Variants in STAG2 observed in about 807,000 individuals in gnomAD.
The protein encoded by STAG2 is cohesin subunit SA-2.
In STAG2, 14 loss-of-function variants were observed where a neutral mutation model predicts 108.1. The observed-to-expected ratio is 0.13, with a 90% confidence interval of 0.09 to 0.20. The LOEUF is 0.20. STAG2 is among the 10% of genes least tolerant of loss of function. The probability of loss-of-function intolerance (pLI) is 1.00; values close to 1 mark genes in which losing one functional copy is unlikely to be tolerated. For missense variants in STAG2, 440 were observed against 940.9 expected, an observed-to-expected ratio of 0.47 and a Z score of 6.96; for synonymous variants, 307 against 302.7, an observed-to-expected ratio of 1.01 and a Z score of -0.15.
chrX:124,003,476 C>T (rs41300277), intron 1 of STAG2: 6,894 of 110,204 alleles, frequency 0.063, 230 homozygotes, highest in Middle Eastern at 0.13. Context: ...GGCTGGAGTG[C>T]AATGGCGTGA....
At chrX:123,976,476 A>G (rs1602652758) in intron 1 of STAG2, among the ~76,000 whole-genome samples, 1 of 111,279 alleles carries the variant, frequency 9.0e-6, no homozygotes, top group South Asian at 3.7e-4. Flanking sequence ...TTCATTGTGC[A>G]GTATATATTA....
In STAG2 at chrX:124,045,196, T is replaced by A. The variant is rs999209828; in HGVS notation, c.495T>A (p.Gly165=). ...DSGDYPLTMA[G]PQWKKFKSSF... Reference sequence around the variant, plus strand: ...GAGATTATCCACTTACCATGGCTGGTCCTCAGTGGAAGAAGTTCAAATCCA... The same window carrying A: ...GAGATTATCCACTTACCATGGCTGGACCTCAGTGGAAGAAGTTCAAATCCA... Residue 165 remains glycine (G), a synonymous_variant, in exon 8 of 35, where the codon GGT becomes GGA. Transcript: ENST00000371145. The A allele has an allele frequency of 8.3e-7, 1 of 1,209,478 alleles. No individual in the cohort carries two copies. The highest frequency in any genetic ancestry group is 1.1e-6 in the Non-Finnish European group (1 of 895,092).
chrX:123,990,651 C>T (rs1450251973), intron 1 of STAG2, among the ~76,000 whole-genome samples: 1 of 111,843 alleles, frequency 8.9e-6, no homozygotes, highest in Non-Finnish European at 1.9e-5. Context: ...AGAATAGAGT[C>T]ATTATTGTAA....
chrX:123,988,935 CTG>C (rs2055320347), intron 1 of STAG2, among the ~76,000 whole-genome samples: 1 of 111,338 alleles, frequency 9.0e-6, no homozygotes, highest in Non-Finnish European at 1.9e-5. Flanking sequence ...CTCTGTCTAT[CTG>C]TGTGTGTCTT....
At chrX:124,054,190 C>G (rs1264306267) in intron 13 of STAG2, among the ~76,000 whole-genome samples, 2 of 111,966 alleles carry the variant, frequency 1.8e-5, no homozygotes, top group African/African-American at 6.5e-5. Context: ...TTTGTAATAG[C>G]AGAATTTTGA....
Position 124,050,270 on chromosome X carries a change from C to T in STAG2, c.978C>T (p.Asp326=). The T allele has an allele frequency of 8.3e-7, 1 of 1,209,656 alleles. No individual in the cohort carries two copies. The highest frequency in any genetic ancestry group is 1.1e-6 in the Non-Finnish European group (1 of 894,431). The stretch of plus-strand genomic sequence containing the variant: ...TGTATAGTGATGCCTTTCTTAATGA[C>T]AGTTATTTAAAATATGTTGGTTGGA... ...MKMYSDAFLN[D]SYLKYVGWTM... is the part of the protein sequence containing the mutation. The change falls in exon 11 of 35, where the codon GAC becomes GAT. Residue 326 remains aspartate, a synonymous_variant. Transcript: ENST00000371145.
chrX:124,053,805 G>A (rs1235157782), intron 13 of STAG2, among the ~76,000 whole-genome samples: 1 of 111,781 alleles, frequency 8.9e-6, no homozygotes, highest in East Asian at 2.8e-4. Context: ...CATAAACTGA[G>A]AAAACAGATC....
intron 30 of STAG2, among the ~76,000 whole-genome samples, chrX:124,087,680 T>C (rs1218035530): frequency 2.7e-5 from 3 of 112,216 alleles, no homozygotes; most frequent in African/African-American, 9.7e-5. Context: ...AAAACTAGCA[T>C]AGCGTAATTT....
At chrX:124,028,092 G>T (rs1402347097) in intron 4 of STAG2, among the ~76,000 whole-genome samples, 2 of 111,358 alleles carry the variant, frequency 1.8e-5, no homozygotes, top group Non-Finnish European at 3.8e-5. Context: ...TGTTGTAGTT[G>T]ATCTTTTCTT....
intron 29 of STAG2, among the ~76,000 whole-genome samples, chrX:124,083,979 A>T: frequency 9.0e-6 from 1 of 111,638 alleles, no homozygotes; most frequent in South Asian, 3.7e-4. Context: ...GAGCATTTGA[A>T]AAAGAATAAT....
chrX:124,009,045 C>G (rs1569501617), intron 1 of STAG2, among the ~76,000 whole-genome samples: 2 of 111,444 alleles, frequency 1.8e-5, no homozygotes, highest in South Asian at 7.4e-4. Context: ...AGTGTACTTT[C>G]AAGTCTATCC....
chrX:124,004,648 T>A (rs1346497958), intron 1 of STAG2, among the ~76,000 whole-genome samples: 1 of 112,217 alleles, frequency 8.9e-6, no homozygotes, highest in African/African-American at 3.2e-5. Flanking sequence ...TTGTGAGTGA[T>A]GCTGTTATGA....
At position 124,076,399 on chromosome X, in the gene STAG2, A is replaced by G. The variant is rs374308808; in HGVS notation, c.2601A>G (p.Ala867=). The G allele has an allele frequency of 6.5e-5, 78 of 1,207,852 alleles. No individual in the cohort carries two copies. The highest frequency in any genetic ancestry group is 8.2e-5 in the Non-Finnish European group (73 of 893,876). ...ACAAGAGAAGAAATTTACTTGCAGC[A>G]TTTTGTAAGCTAATTGTATATACTG... The part of the protein sequence containing the change: ...ALHKRRNLLA[A]FCKLIVYTVV... The change falls in exon 26 of 35, where the codon GCA becomes GCG. Residue 867 remains alanine, a synonymous_variant. Transcript: ENST00000371145.
chrX:123,991,724 G>A (rs2055480805), intron 1 of STAG2, among the ~76,000 whole-genome samples: 1 of 108,457 alleles, frequency 9.2e-6, no homozygotes, highest in Non-Finnish European at 1.9e-5. Flanking sequence ...GAGTGCAATG[G>A]CGCGATCTCG....
intron 20 of STAG2, among the ~76,000 whole-genome samples, chrX:124,065,186 T>C (rs969456648): frequency 2.7e-5 from 3 of 112,340 alleles, no homozygotes; most frequent in Non-Finnish European, 5.6e-5. Flanking sequence ...TGGCTGAATA[T>C]AATTTTGATT....
At chrX:124,021,341 T>A (rs2056920558) in intron 1 of STAG2, 26 bp from the exon 2 acceptor site, 1 of 111,729 alleles carries the variant, frequency 9.0e-6, no homozygotes, top group Non-Finnish European at 1.9e-5. Context: ...ATTGGATATG[T>A]TTAATCTTAC....
intron 1 of STAG2, among the ~76,000 whole-genome samples, chrX:124,004,368 G>C (rs775439501): frequency 8.9e-6 from 1 of 111,807 alleles, no homozygotes; most frequent in Non-Finnish European, 1.9e-5. Context: ...CCTAGCCCAA[G>C]ATAACCAACC....
intron 1 of STAG2, among the ~76,000 whole-genome samples, chrX:124,019,728 G>A (rs917224731): frequency 9.0e-6 from 1 of 111,163 alleles, no homozygotes; most frequent in African/African-American, 3.3e-5. Flanking sequence ...TTGAGCCCAG[G>A]AGTTCAAGAC....
intron 1 of STAG2, among the ~76,000 whole-genome samples, chrX:124,017,196 G>A (rs1305561067): frequency 1.8e-5 from 2 of 109,583 alleles, no homozygotes; most frequent in Non-Finnish European, 3.8e-5. Context: ...GAGACCACTT[G>A]GGATTGAATT....
Sources: gnomAD v4.1 joint callset for allele counts (sites outside exome capture counted in the v4.1 genomes callset) on GRCh38, gnomAD v4.1.1 for gene constraint, MANE v1.5 for transcripts, NCBI Gene and HGNC (gene_info 2026-07-23, HGNC 2026-07-21) for gene names.